Variants in PVT1 observed in about 807,000 individuals in gnomAD.
PVT1 encodes the protein Pvt1 oncogene.
In PVT1 at chr8:127,809,029, C is replaced by CAAAAA. The variant is rs1158760672; in HGVS notation, n.372+12980_372+12984dup. On this transcript the variant is annotated intron_variant and non_coding_transcript_variant, in intron 2 of 10. Coordinates refer to ENST00000651587, the Ensembl canonical transcript of PVT1. ...TGGGCAACAAAGTGAGATTCCATCT[C>CAAAAA]AAAAAAAAAAAAAAAAAAAAAAAAA... is the stretch of plus-strand genomic sequence containing the variant. Among the ~76,000 whole-genome samples the CAAAAA allele has an allele frequency of 7.9e-3, 223 of 28,084 alleles. 1 individual carries two copies. The highest frequency in any genetic ancestry group is 0.01 in the Non-Finnish European group (155 of 15,498). 18.4% of individuals were successfully genotyped at this position (28,084 alleles called of 152,430 possible). A position where few individuals can be genotyped will look rare whatever the true frequency, so the allele number is the denominator to read the frequency against.
chr8:127,844,648 G>A (rs1646754568), intron 2 of PVT1, among the ~76,000 whole-genome samples: 1 of 151,790 alleles, frequency 6.6e-6, no homozygotes, highest in Non-Finnish European at 1.5e-5. Flanking sequence ...CAGAATTCCT[G>A]TCTCATCCAC....
chr8:127,826,994 C>CTTTTTTTTTTT (rs5894901), intron 2 of PVT1, among the ~76,000 whole-genome samples: 8 of 113,956 alleles, frequency 7.0e-5, no homozygotes, highest in African/African-American at 1.4e-4. Context: ...TTCTTTTTCT[C>CTTTTTTTTTTT]TTTTTTTTTT....
At chr8:127,962,068 G>T (rs113643240) in intron 3 of PVT1, among the ~76,000 whole-genome samples, 1 of 152,244 alleles carries the variant, frequency 6.6e-6, no homozygotes, top group East Asian at 1.9e-4. Context: ...TCCGCCTCTG[G>T]GGTTCAAGCG....
At position 127,869,346 on chromosome 8, in the gene PVT1, G is replaced by C. The variant is rs543528616; in HGVS notation, n.373-21243G>C. Among the ~76,000 whole-genome samples, 95 of 152,132 alleles carry C rather than the reference G, an allele frequency of 6.2e-4. 2 individuals are homozygous for C. The highest frequency in any genetic ancestry group is 2.2e-3 in the African/African-American group (90 of 41,484). ...GAGTTTCATCATGTTGCCCAGGCTG[G>C]TCTCGAACTCCTGACCTCAGGTGAT... is the stretch of plus-strand genomic sequence containing the variant. On this transcript the variant is annotated intron_variant and non_coding_transcript_variant, in intron 2 of 10. Transcript: ENST00000651587.
intron 3 of PVT1, among the ~76,000 whole-genome samples, chr8:127,957,597 G>GA (rs1277612624): frequency 1.4e-5 from 2 of 147,550 alleles, no homozygotes; most frequent in South Asian, 2.1e-4. Context: ...GAAAAGAAAA[G>GA]AAAAAAAAGT....
chr8:127,995,523 G>A lies in PVT1; in HGVS notation n.912+6232G>A, dbSNP rs544226847. ...CTTTAATTGTGCATTATATCAGTCC[G>A]TCAGTCAGTTTTCCTCCTGAAATAT... On this transcript the variant is annotated intron_variant and non_coding_transcript_variant, in intron 4 of 10. Transcript: ENST00000651587. 1.4e-4 allele frequency among the ~76,000 whole-genome samples: 21 copies of A among 152,234 alleles called. No individual in the cohort carries two copies. The South Asian group carries it at 2.3e-3, about 17-fold the overall frequency.
intron 4 of PVT1, among the ~76,000 whole-genome samples, chr8:128,031,691 T>A (rs1289561338): frequency 6.6e-6 from 1 of 152,008 alleles, no homozygotes; most frequent in Non-Finnish European, 1.5e-5. Flanking sequence ...ATTTCATATA[T>A]GCCAAACACT....
intron 2 of PVT1, among the ~76,000 whole-genome samples, chr8:127,843,696 C>T (rs1016966509): frequency 4.0e-5 from 6 of 151,750 alleles, no homozygotes; most frequent in African/African-American, 9.7e-5. Context: ...CCACCCTCTC[C>T]GGCCTCCCAA....
chr8:127,858,774 C>G (rs1438673483), intron 2 of PVT1, among the ~76,000 whole-genome samples: 3 of 54,600 alleles, frequency 5.5e-5, no homozygotes, highest in African/African-American at 1.3e-4. Context: ...CTTTTTTTTT[C>G]TTTTTCTCTT....
At chr8:127,857,246 TATA>T (rs1815172051) in intron 2 of PVT1, among the ~76,000 whole-genome samples, 2 of 152,006 alleles carry the variant, frequency 1.3e-5, no homozygotes, top group South Asian at 4.2e-4. Context: ...ATAATAGTAA[TATA>T]ATAATAATCC....
At chr8:127,892,982 C>T (rs1815630518) in intron 3 of PVT1, among the ~76,000 whole-genome samples, 1 of 152,148 alleles carries the variant, frequency 6.6e-6, no homozygotes, top group Admixed American at 6.5e-5. Flanking sequence ...TGTTTTTTCC[C>T]CTTTTATCAG....
chr8:128,072,934 A>G (rs2130138441), intron 5 of PVT1, among the ~76,000 whole-genome samples: 1 of 152,174 alleles, frequency 6.6e-6, no homozygotes, highest in Admixed American at 6.5e-5. Context: ...CCTGGGTTCC[A>G]GCAATTCTCC....
At chr8:127,813,240 A>AATATACAAATATATATAAT (rs1282553030) in intron 2 of PVT1, among the ~76,000 whole-genome samples, 1 of 59,658 alleles carries the variant, frequency 1.7e-5, no homozygotes, top group South Asian at 3.5e-4. Flanking sequence ...ACAAATATAT[A>AATATACAAATATATATAAT]ATATACAAAT....
At chr8:127,816,056 G>A (rs1372303944) in intron 2 of PVT1, among the ~76,000 whole-genome samples, 1 of 152,118 alleles carries the variant, frequency 6.6e-6, no homozygotes, top group Non-Finnish European at 1.5e-5. Context: ...CCCGGGAGGC[G>A]GAGGTTATGG....
chr8:127,809,214 CAG>C lies in PVT1; in HGVS notation n.372+13146_372+13147del, dbSNP rs1188474937. Among the ~76,000 whole-genome samples, 4 of 151,934 alleles carry C rather than the reference CAG, an allele frequency of 2.6e-5. No individual in the cohort carries two copies. In the East Asian group the frequency reaches 5.8e-4, roughly 22 times the overall value. On this transcript the variant is annotated intron_variant and non_coding_transcript_variant, in intron 2 of 10. Transcript: ENST00000651587. ...GTTTTCATTTTTTTCTTTTTGGAGA[CAG>C]AGTCTTGCTCTGTTGCTTCAGGCAG...
At chr8:127,913,953 C>T (rs1015166553) in intron 3 of PVT1, among the ~76,000 whole-genome samples, 32 of 152,114 alleles carry the variant, frequency 2.1e-4, no homozygotes, top group African/African-American at 7.7e-4. Context: ...ATCCAGCAGC[C>T]CCCTGGCCTC....
intron 4 of PVT1, among the ~76,000 whole-genome samples, chr8:127,991,540 G>A (rs1014907528): frequency 2.0e-5 from 3 of 152,152 alleles, no homozygotes; most frequent in African/African-American, 7.2e-5. Context: ...TGCACCTGGA[G>A]GGCTGGAACA....
intron 5 of PVT1, among the ~76,000 whole-genome samples, chr8:128,085,373 A>G (rs1010834085): frequency 6.6e-6 from 1 of 152,240 alleles, no homozygotes; most frequent in African/African-American, 2.4e-5. Flanking sequence ...AAATCATGCA[A>G]CATGAAACAA....
intron 4 of PVT1, among the ~76,000 whole-genome samples, chr8:128,068,182 A>G (rs922085387): frequency 2.0e-5 from 3 of 151,656 alleles, no homozygotes; most frequent in Non-Finnish European, 2.9e-5. Flanking sequence ...TTTTTTACAC[A>G]AACATTTTCA....
Sources: allele counts gnomAD v4.1 joint callset (sites outside exome capture counted in the v4.1 genomes callset), GRCh38; gene constraint gnomAD v4.1.1; transcripts MANE v1.5; gene names NCBI Gene and HGNC (gene_info 2026-07-23, HGNC 2026-07-21).